SLC43A2: variants seen among roughly 807,000 people sequenced by gnomAD.
SLC43A2 encodes large neutral amino acids transporter small subunit 4.
Under a neutral mutation model 63.2 loss-of-function variants are expected in SLC43A2, and 38 were observed. That is an observed-to-expected ratio of 0.60 (90% CI 0.46 to 0.79). The LOEUF (loss-of-function observed/expected upper bound fraction) is 0.79. SLC43A2 is among the 30% of genes least tolerant of loss of function. The probability of loss-of-function intolerance (pLI) is 0.00; values close to 1 mark genes in which losing one functional copy is unlikely to be tolerated. For synonymous variants in SLC43A2, 322 were observed against 331.0 expected (o/e 0.97, Z 0.30); for missense variants, 644 against 756.2 (o/e 0.85, Z 1.74).
chr17:1,616,592 T>C lies in SLC43A2; in HGVS notation c.338A>G (p.Tyr113Cys). Residue 113 changes from tyrosine to cysteine, a missense_variant, in exon 3 of 14, where the codon TAT (tyrosine) becomes TGT (cysteine). By Grantham distance (194) the Tyr-to-Cys change is radical (BLOSUM62 -2). Around this residue, in one of 3 missense-constraint regions of SLC43A2, gnomAD observed 528 missense variants for 623.6 expected, o/e 0.85. Transcript: ENST00000301335. ...TLPLGIVMDK[Y>C]GPRKLRLLGS... The stretch of plus-strand genomic sequence containing the variant: ...CAGCAGCCTGAGCTTCCTCGGGCCA[T>C]ACTTGTCCATGACGATACCCAGGGG... The C allele has an allele frequency of 5.0e-6, 8 of 1,613,754 alleles. No homozygotes were observed. Among genetic ancestry groups the C allele is most frequent in the African/African-American group, 1.3e-5 (1 of 75,042 alleles).
chr17:1,605,724 C>T lies in SLC43A2; in HGVS notation c.501+7471G>A, dbSNP rs1045535426. On this transcript the variant is annotated intron_variant, in intron 5 of 13. Coordinates refer to ENST00000301335, the MANE Select transcript of SLC43A2 (RefSeq NM_152346.3). This position sits in a 1 kb window ranked among gnomAD's most constrained non-coding sequence, Gnocchi z 4.9. ...AGAGTTCTGTACAACCTGCACAGGC[C>T]GGGATCCCGGAACCAGACTGCACAG... is the stretch of plus-strand genomic sequence containing the variant. 2.0e-5 allele frequency among the ~76,000 whole-genome samples: 3 copies of T among 152,160 alleles called. No individual in the cohort carries two copies. Among genetic ancestry groups the T allele is most frequent in the African/African-American group, 7.2e-5 (3 of 41,428 alleles).
At position 1,585,935 on chromosome 17, in the gene SLC43A2, G is replaced by C; in HGVS notation, c.1195C>G (p.Pro399Ala). 6.2e-7 allele frequency: 1 copy of C among 1,613,714 alleles called. No homozygotes were observed. The highest frequency in any genetic ancestry group is 8.5e-7 in the Non-Finnish European group (1 of 1,180,012). ...LKECEDASEE[P>A]EEKDANQGEK... ...CACTGGTTGGCGTCTTTCTCCTCGG[G>C]CTCCTCGGAGGCGTCTTCACACTCC... The change falls in exon 10 of 14, where the codon CCC becomes GCC. Residue 399 changes from proline to alanine, a missense_variant. This residue lies in a region of SLC43A2 where 528 missense variants were observed against 623.6 expected (regional missense o/e 0.85). Transcript: ENST00000301335.
At position 1,622,552 on chromosome 17, in the gene SLC43A2, A is replaced by G. The variant is rs1443065242; in HGVS notation, c.160+5163T>C. 1.5e-3 allele frequency among the ~76,000 whole-genome samples: 206 copies of G among 138,750 alleles called. 1 individual carries two copies. The highest frequency in any genetic ancestry group is 7.1e-3 in the South Asian group (31 of 4,376). The allele number at this position is 138,750 out of a possible 152,430, so 91.0% of individuals were successfully genotyped here. ...TGCACTCCAGCCTGGGCGACAGAGC[A>G]AGACTCTGTCTCAAAAAAAAAAAAA... On this transcript the variant is annotated intron_variant, in intron 2 of 13. Transcript: ENST00000301335.
intron 5 of SLC43A2, among the ~76,000 whole-genome samples, chr17:1,610,588 C>A: frequency 6.7e-6 from 1 of 149,008 alleles, no homozygotes; most frequent in Admixed American, 6.7e-5. Context: ...AAAATAAAAT[C>A]ATTTTTGGGC....
Position 1,591,059 on chromosome 17 carries a change from T to C in SLC43A2, c.932-111A>G, listed in dbSNP as rs556479500. Reference sequence around the variant, plus strand: ...CAGGAGGGGGCCCTCGGGACGGGCCTGGTGAGGGTAACGGGGTTGGCGCTG... The same window carrying C: ...CAGGAGGGGGCCCTCGGGACGGGCCCGGTGAGGGTAACGGGGTTGGCGCTG... On this transcript the variant is annotated intron_variant, in intron 8 of 13. Coordinates refer to ENST00000301335, the MANE Select transcript of SLC43A2 (RefSeq NM_152346.3). The C allele has an allele frequency of 2.9e-4, 379 of 1,328,298 alleles. 4 individuals carry two copies. In the South Asian group the frequency reaches 5.0e-3, roughly 17 times the overall value. 82.3% of individuals were successfully genotyped at this position (1,328,298 alleles called of 1,614,324 possible). A position where few individuals can be genotyped will look rare whatever the true frequency, so the allele number is the denominator to read the frequency against.
intron 10 of SLC43A2, among the ~76,000 whole-genome samples, chr17:1,584,064 T>G (rs2076062137): frequency 6.6e-6 from 1 of 151,832 alleles, no homozygotes; most frequent in Non-Finnish European, 1.5e-5. Flanking sequence ...CCCGGCTAAT[T>G]TTTGCGTTTT....
rs752540813 is a variant in SLC43A2 at position 1,578,291 on chromosome 17, T to G, written c.1383A>C (p.Arg461=). The part of the protein sequence containing the change: ...ILSFILHTIV[R]GFIHSAVGGL... ...CCCCGACAGCGGAGTGGATGAATCC[T>G]CGCACGATTGTGTGCAGGATGAAGG... Residue 461 remains arginine, a synonymous_variant, in exon 12 of 14, where the codon CGA becomes CGC. Coordinates refer to ENST00000301335, the MANE Select transcript of SLC43A2 (RefSeq NM_152346.3). The surrounding 1 kb of genome is among the most constrained non-coding windows in gnomAD (Gnocchi z 6.5). 6.2e-7 allele frequency: 1 copy of G among 1,614,002 alleles called. No individual in the cohort carries two copies. Among genetic ancestry groups the G allele is most frequent in the South Asian group, 1.1e-5 (1 of 91,076 alleles).
intron 9 of SLC43A2, chr17:1,587,027 A>G: frequency 6.7e-7 from 1 of 1,489,776 alleles, no homozygotes. Flanking sequence ...TCTCAGTGCT[A>G]CAGAGAGATG....
intron 13 of SLC43A2, among the ~76,000 whole-genome samples, chr17:1,576,336 G>A (rs1310885596): frequency 2.6e-5 from 4 of 152,010 alleles, no homozygotes; most frequent in East Asian, 3.9e-4. Context: ...CTCCCGCCTC[G>A]GCCTCTCAAA....
At chr17:1,601,999 C>T (rs527280463) in intron 5 of SLC43A2, among the ~76,000 whole-genome samples, 1 of 151,924 alleles carries the variant, frequency 6.6e-6, no homozygotes, top group South Asian at 2.1e-4. Context: ...TGCACTGAGA[C>T]TACCCCAGAC....
intron 2 of SLC43A2, among the ~76,000 whole-genome samples, chr17:1,621,366 C>T (rs1052913909): frequency 5.9e-5 from 9 of 152,134 alleles, no homozygotes; most frequent in African/African-American, 1.7e-4. Flanking sequence ...AGTCGCTTTC[C>T]GAGCCCCCCC....
intron 2 of SLC43A2, among the ~76,000 whole-genome samples, chr17:1,623,405 G>A (rs118061333): frequency 0.013 from 1,906 of 152,278 alleles, 21 homozygotes; most frequent in Non-Finnish European, 0.017. Context: ...TCAGGCAGAG[G>A]CCGTGATGAC....
At chr17:1,594,665 G>A (rs1345002294) in intron 5 of SLC43A2, among the ~76,000 whole-genome samples, 1 of 141,496 alleles carries the variant, frequency 7.1e-6, no homozygotes, top group East Asian at 2.2e-4. Flanking sequence ...TCGGCTCACT[G>A]CAAGCTCCGC....
At chr17:1,594,369 C>A (rs140049564) in intron 5 of SLC43A2, among the ~76,000 whole-genome samples, 1 of 152,312 alleles carries the variant, frequency 6.6e-6, no homozygotes, top group Non-Finnish European at 1.5e-5. Flanking sequence ...AAACTACATC[C>A]TCCCAAAGAG....
intron 11 of SLC43A2, among the ~76,000 whole-genome samples, chr17:1,581,542 C>T (rs2076014241): frequency 6.6e-6 from 1 of 152,172 alleles, no homozygotes; most frequent in Non-Finnish European, 1.5e-5. Context: ...ACCTCAAGGC[C>T]TCCTGTAAAA....
rs1331929578 is a variant in SLC43A2 at position 1,605,315 on chromosome 17, C to G, written c.501+7880G>C. 1 of 841,570 alleles carries G rather than the reference C, an allele frequency of 1.2e-6. No homozygotes were observed. Among genetic ancestry groups the G allele is most frequent in the Non-Finnish European group, 1.5e-6 (1 of 687,120 alleles). 52.1% of individuals were successfully genotyped at this position (841,570 alleles called of 1,614,324 possible). On this transcript the variant is annotated intron_variant, in intron 5 of 13. Transcript: ENST00000301335. The surrounding 1 kb of genome is among the most constrained non-coding windows in gnomAD (Gnocchi z 4.9). ...CAGAGGGGAAAACAGCAGCTGCAGG[C>G]GGCCCCTCCCCTGGCATTCTGGCCA...
At chr17:1,594,890 T>G (rs1905167563) in intron 5 of SLC43A2, among the ~76,000 whole-genome samples, 1 of 151,966 alleles carries the variant, frequency 6.6e-6, no homozygotes. Flanking sequence ...GCCCAACCTT[T>G]TTTTCTTGTT....
In SLC43A2 at chr17:1,575,202, A is replaced by G; in HGVS notation, c.*402T>C. The G allele has an allele frequency of 9.9e-6, 3 of 302,090 alleles. No homozygotes were observed. The highest frequency in any genetic ancestry group is 5.8e-5 in the South Asian group (2 of 34,616). 18.7% of individuals were successfully genotyped at this position (302,090 alleles called of 1,614,324 possible). Reference sequence around the variant, plus strand: ...TGCAAGCCTTTGTCCTCAGGCAGGTACGGCTGTGGGCATGCAGCCGAGGGG... The same window carrying G: ...TGCAAGCCTTTGTCCTCAGGCAGGTGCGGCTGTGGGCATGCAGCCGAGGGG... On this transcript the variant is annotated 3_prime_UTR_variant, in exon 14 of 14. Transcript: ENST00000301335.
intron 2 of SLC43A2, among the ~76,000 whole-genome samples, chr17:1,623,189 G>A (rs1373116503): frequency 6.6e-6 from 1 of 152,232 alleles, no homozygotes; most frequent in Non-Finnish European, 1.5e-5. Flanking sequence ...CTCAGCCCGT[G>A]GGGATCAAGC....
Sources: gnomAD v4.1 joint callset for allele counts (sites outside exome capture counted in the v4.1 genomes callset) on GRCh38, gnomAD v4.1.1 for gene constraint, gnomAD v4.1.1 regional missense constraint, Gnocchi (gnomAD v3.1) non-coding constraint, MANE v1.5 for transcripts, NCBI Gene and HGNC (gene_info 2026-07-23, HGNC 2026-07-21) for gene names.